GSAP: variants seen among roughly 807,000 people sequenced by gnomAD.
GSAP encodes the protein gamma-secretase-activating protein.
Under a neutral mutation model 131.7 loss-of-function variants are expected in GSAP, and 118 were observed. The ratio of observed to expected loss-of-function variants is 0.90; its 90% CI spans 0.77 to 1.04. The LOEUF (loss-of-function observed/expected upper bound fraction) is 1.04. Among genes scored for constraint, GSAP ranks in the 50% least tolerant of loss-of-function variants. The pLI, the probability that GSAP is intolerant of heterozygous loss-of-function variation, is 0.00. For missense variants in GSAP, 1,019 were observed against 1,013.2 expected, an observed-to-expected ratio of 1.01 and a Z score of -0.08; for synonymous variants, 381 against 363.4, an observed-to-expected ratio of 1.05 and a Z score of -0.55.
chr7:77,404,319 C>T (rs2151177785), intron 3 of GSAP, among the ~76,000 whole-genome samples: 1 of 152,356 alleles, frequency 6.6e-6, no homozygotes, highest in Middle Eastern at 3.4e-3. Flanking sequence ...AATGAGTTTT[C>T]TTTCAAAGCC....
chr7:77,370,089 TGGAAATAGAAAA>T (rs1352326125), intron 12 of GSAP, among the ~76,000 whole-genome samples: 22 of 152,016 alleles, frequency 1.4e-4, no homozygotes, highest in Admixed American at 1.4e-3. Context: ...GAAATTCCTG[TGGAAATAGAAAA>T]AGGAATAAAA....
chr7:77,349,667 T>C (rs868493555), intron 18 of GSAP, among the ~76,000 whole-genome samples: 1 of 152,066 alleles, frequency 6.6e-6, no homozygotes, highest in African/African-American at 2.4e-5. Context: ...TACAAAGAAA[T>C]AGAGAGCAAA....
At chr7:77,330,891 C>T (rs2150685078) in intron 19 of GSAP, 1 of 969,254 alleles carries the variant, frequency 1.0e-6, no homozygotes, top group African/African-American at 1.8e-5. Context: ...TTTACATTGT[C>T]ACATACACCA....
chr7:77,390,923 T>C (rs1279327958), intron 5 of GSAP, among the ~76,000 whole-genome samples: 1 of 116,388 alleles, frequency 8.6e-6, no homozygotes, highest in East Asian at 2.8e-4. Flanking sequence ...CACTCCAGCC[T>C]GGTGACAGAG....
At chr7:77,356,687 T>TG (rs1793781084) in intron 14 of GSAP, among the ~76,000 whole-genome samples, 1 of 152,226 alleles carries the variant, frequency 6.6e-6, no homozygotes, top group African/African-American at 2.4e-5. Context: ...TTCTGGAGAA[T>TG]GGAAGGGTGG....
chr7:77,408,052 G>A (rs1445099185), intron 1 of GSAP, among the ~76,000 whole-genome samples: 1 of 152,216 alleles, frequency 6.6e-6, no homozygotes, highest in Admixed American at 6.5e-5. Context: ...CTAATGTACA[G>A]TGTTAGATAA....
intron 3 of GSAP, among the ~76,000 whole-genome samples, chr7:77,402,482 C>T (rs1801499688): frequency 1.4e-5 from 2 of 146,478 alleles, no homozygotes; most frequent in South Asian, 4.3e-4. Context: ...GTAGTTCCAG[C>T]TACTTGGGAC....
intron 17 of GSAP, 105 bp downstream of exon 17, chr7:77,353,467 A>C (rs1793201384): frequency 4.5e-6 from 3 of 660,222 alleles, no homozygotes; most frequent in African/African-American, 3.6e-5. Context: ...AATGTGCTCC[A>C]AAGTAGCATT....
chr7:77,413,552 T>C (rs1467472441), intron 1 of GSAP, among the ~76,000 whole-genome samples: 1 of 152,208 alleles, frequency 6.6e-6, no homozygotes, highest in Non-Finnish European at 1.5e-5. Context: ...ATTAATAACC[T>C]GCAGCTAGCC....
intron 3 of GSAP, among the ~76,000 whole-genome samples, chr7:77,404,246 G>A (rs1423597129): frequency 6.6e-6 from 1 of 152,172 alleles, no homozygotes; most frequent in East Asian, 1.9e-4. Context: ...TCTAAAACTA[G>A]TTTTACCTAC....
intron 8 of GSAP, among the ~76,000 whole-genome samples, chr7:77,380,514 T>C (rs1179438430): frequency 6.6e-6 from 1 of 152,152 alleles, no homozygotes; most frequent in Non-Finnish European, 1.5e-5. Context: ...TGAATGTCTA[T>C]CCACACCAGG....
chr7:77,329,321 G>T lies in GSAP; in HGVS notation c.1733+12C>A, dbSNP rs747424317. The T allele has an allele frequency of 2.0e-6, 3 of 1,475,654 alleles. No individual in the cohort carries two copies. Among genetic ancestry groups the T allele is most frequent in the East Asian group, 2.4e-5 (1 of 42,162 alleles). The allele number at this position is 1,475,654 out of a possible 1,614,324, so 91.4% of individuals were successfully genotyped here. On this transcript the variant is annotated intron_variant, in intron 21 of 30. Transcript: ENST00000257626. ...CCATCTTACAGATATGATAACCTCT[G>T]CTTTCACTTACTTTACTGCATTATC... is the stretch of plus-strand genomic sequence containing the variant.
intron 1 of GSAP, among the ~76,000 whole-genome samples, chr7:77,414,545 G>C (rs940451089): frequency 6.6e-6 from 1 of 152,162 alleles, no homozygotes; most frequent in Admixed American, 6.5e-5. Context: ...TGAGGACCTA[G>C]AGCTATCTGT....
intron 3 of GSAP, among the ~76,000 whole-genome samples, chr7:77,397,757 C>G (rs562062165): frequency 6.6e-6 from 1 of 152,136 alleles, no homozygotes; most frequent in African/African-American, 2.4e-5. Flanking sequence ...CTCTATCCCC[C>G]CATTGGTAAA....
chr7:77,374,135 T>G lies in GSAP; in HGVS notation c.806A>C (p.Asp269Ala). 6.3e-7 allele frequency: 1 copy of G among 1,583,352 alleles called. No individual in the cohort carries two copies. The highest frequency in any genetic ancestry group is 8.6e-7 in the Non-Finnish European group (1 of 1,156,224). Residue 269 changes from aspartate (D) to alanine (A), a missense_variant, in exon 12 of 31, where the codon GAT (aspartate) becomes GCT (alanine). Transcript: ENST00000257626. ...SGFKLVNFGC[D>A]YHQYRDKFSK... Reference sequence around the variant, plus strand: ...AAATTTATCTCGGTATTGATGATAATCACATCCAAAGTTGACAAGTCTAAG... The same window carrying G: ...AAATTTATCTCGGTATTGATGATAAGCACATCCAAAGTTGACAAGTCTAAG...
At chr7:77,374,554 T>C (rs1796573830) in intron 11 of GSAP, among the ~76,000 whole-genome samples, 5 of 152,120 alleles carry the variant, frequency 3.3e-5, no homozygotes, top group Admixed American at 3.3e-4. Flanking sequence ...GGCCTTATGC[T>C]TATTTTTTCA....
At chr7:77,334,563 T>A (rs1486284067) in intron 19 of GSAP, among the ~76,000 whole-genome samples, 1 of 101,408 alleles carries the variant, frequency 9.9e-6, no homozygotes, top group South Asian at 2.9e-4. Context: ...TGCCCATGTA[T>A]CCTGGAACTT....
rs56314229 is a variant in GSAP, at chr7:77,377,400, CAAAAAA to C, written c.577-16_577-11del. 0.082 allele frequency: 95,886 copies of C among 1,176,240 alleles called. 493 individuals are homozygous for C. The highest frequency in any genetic ancestry group is 0.087 in the Non-Finnish European group (80,749 of 925,734). The allele number at this position is 1,176,240 out of a possible 1,614,324, so 72.9% of individuals were successfully genotyped here. A position where few individuals can be genotyped will look rare whatever the true frequency, so the allele number is the denominator to read the frequency against. ...CAGAATTTTTAATCACCTAAAAATG[CAAAAAA>C]AAAAAAAAAAAAAAAAGTATGAATA... On this transcript the variant is annotated splice_polypyrimidine_tract_variant and intron_variant, in intron 8 of 30. Coordinates refer to ENST00000257626, the MANE Select transcript of GSAP (RefSeq NM_017439.4).
intron 7 of GSAP, 53 bp from the exon 8 acceptor site, chr7:77,381,407 A>C: frequency 1.1e-6 from 1 of 912,640 alleles, no homozygotes; most frequent in Non-Finnish European, 1.7e-6. Context: ...ATATATGAGT[A>C]CTATTTTTGC....
Sources: allele counts gnomAD v4.1 joint callset (sites outside exome capture counted in the v4.1 genomes callset), GRCh38; gene constraint gnomAD v4.1.1; transcripts MANE v1.5; gene names NCBI Gene and HGNC (gene_info 2026-07-23, HGNC 2026-07-21).